MAML2: variants seen among roughly 807,000 people sequenced by gnomAD.
MAML2 encodes the protein mastermind-like protein 2.
MAML2 carries 22 observed loss-of-function variants against 96.1 expected under a neutral mutation model. The ratio of observed to expected loss-of-function variants is 0.23; its 90% confidence interval spans 0.16 to 0.33. MAML2 has a LOEUF of 0.33. Ranked by LOEUF, MAML2 falls within the 10% of genes least tolerant of loss-of-function variation. The pLI is 1.00. For missense variants in MAML2, 1,367 were observed against 1,392.4 expected (o/e 0.98, Z 0.29); for synonymous variants, 561 against 521.3 (o/e 1.08, Z -1.04).
rs1857707913 is a variant in MAML2, at chr11:95,979,802, G to A, written c.2617C>T (p.Leu873=). Residue 873 remains leucine (L), a synonymous_variant, in exon 5 of 5, where the codon CTG becomes TTG. Transcript: ENST00000524717. ...TATGTGTTAGGTTGATTACAAGGCA[G>A]ATTTCCATACATCCCCATATTCTGA... is the stretch of plus-strand genomic sequence containing the variant. ...AVQNMGMYGN[L]PCNQPNTYSV... The A allele has an allele frequency of 1.2e-6, 2 of 1,613,842 alleles. No individual in the cohort carries two copies. The highest frequency in any genetic ancestry group is 1.3e-5 in the African/African-American group (1 of 74,906).
At chr11:96,261,494 G>A (rs1400809175) in intron 1 of MAML2, among the ~76,000 whole-genome samples, 12 of 152,240 alleles carry the variant, frequency 7.9e-5, no homozygotes, top group African/African-American at 1.7e-4. Flanking sequence ...AGCTATAACC[G>A]TAGAATTGCT....
At chr11:96,219,914 A>G (rs1862108924) in intron 1 of MAML2, among the ~76,000 whole-genome samples, 1 of 152,146 alleles carries the variant, frequency 6.6e-6, no homozygotes, top group African/African-American at 2.4e-5. Context: ...GTGAGCCAAC[A>G]TACTCAGCCA....
intron 1 of MAML2, among the ~76,000 whole-genome samples, chr11:96,184,741 C>G (rs1027860661): frequency 6.6e-6 from 1 of 151,692 alleles, no homozygotes; most frequent in African/African-American, 2.4e-5. Context: ...AGGCGCCCAC[C>G]GCCACACCTG....
At chr11:96,076,576 C>G (rs1351825558) in intron 2 of MAML2, among the ~76,000 whole-genome samples, 1 of 152,072 alleles carries the variant, frequency 6.6e-6, no homozygotes, top group Non-Finnish European at 1.5e-5. Flanking sequence ...GGCAGGGAAT[C>G]CCATTCCCAT....
intron 1 of MAML2, among the ~76,000 whole-genome samples, chr11:96,171,315 A>G (rs1204684278): frequency 1.3e-5 from 2 of 152,086 alleles, no homozygotes; most frequent in Non-Finnish European, 2.9e-5. Flanking sequence ...CCTCCCCAAG[A>G]CCGGGCGCGT....
intron 1 of MAML2, among the ~76,000 whole-genome samples, chr11:96,214,498 G>A (rs890331070): frequency 7.2e-5 from 11 of 152,132 alleles, no homozygotes; most frequent in African/African-American, 2.7e-4. Flanking sequence ...TTCCTTTATT[G>A]CCTCCTATTC....
intron 1 of MAML2, among the ~76,000 whole-genome samples, chr11:96,313,361 C>T (rs1197544466): frequency 6.6e-6 from 1 of 152,200 alleles, no homozygotes; most frequent in Non-Finnish European, 1.5e-5. Context: ...GCAATGTAAG[C>T]AGCTCTCCGG....
chr11:96,171,414 T>A (rs1328061529), intron 1 of MAML2, among the ~76,000 whole-genome samples: 1 of 152,170 alleles, frequency 6.6e-6, no homozygotes, highest in Non-Finnish European at 1.5e-5. Context: ...TATATTTAAT[T>A]ATTGGTTCAT....
chr11:96,247,812 A>G (rs1344684034), intron 1 of MAML2, among the ~76,000 whole-genome samples: 2 of 152,120 alleles, frequency 1.3e-5, no homozygotes, highest in Non-Finnish European at 2.9e-5. Flanking sequence ...CAGTTGCTGG[A>G]TGAACTTGAT....
chr11:96,143,011 TAAATGGGAAA>T (rs1360956702), intron 1 of MAML2, among the ~76,000 whole-genome samples: 1 of 152,210 alleles, frequency 6.6e-6, no homozygotes, highest in Non-Finnish European at 1.5e-5. Flanking sequence ...TGATGCCAGC[TAAATGGGAAA>T]AAATAGCAAT....
Position 95,979,401 on chromosome 11 carries a change from GCT to G in MAML2, c.3016_3017del (p.Ser1006ProfsTer12). 1 of 1,613,558 alleles carries G rather than the reference GCT, an allele frequency of 6.2e-7. No homozygotes were observed. The highest frequency in any genetic ancestry group is 8.5e-7 in the Non-Finnish European group (1 of 1,179,732). On this transcript the variant is annotated frameshift_variant, in exon 5 of 5. Coordinates refer to ENST00000524717, the MANE Select transcript of MAML2 (RefSeq NM_032427.4). LOFTEE classifies it high-confidence loss of function. ...CCACTGCCCTCTGGGAAAATTGCTG[GCT>G]ACCTACTGCCTGTTGCAGTGACTGA... is the stretch of plus-strand genomic sequence containing the variant. The part of the protein sequence containing the change: ...PNQSLQQAVG[S>X]QQFSQRAVAP...
chr11:96,179,830 T>C (rs1861454406), intron 1 of MAML2, among the ~76,000 whole-genome samples: 1 of 152,174 alleles, frequency 6.6e-6, no homozygotes, highest in Non-Finnish European at 1.5e-5. Flanking sequence ...CACTGCCAAC[T>C]TGTCAGTTTC....
rs115261781 is a variant in MAML2, at chr11:96,294,727, C to T, written c.513+46656G>A. On this transcript the variant is annotated intron_variant, in intron 1 of 4. Coordinates refer to ENST00000524717, the MANE Select transcript of MAML2 (RefSeq NM_032427.4). ...TTTATTGAACACTTATGCTAGGGAC[C>T]ATGCTTAATCCTCTACACTGTCCCA... 5.0e-3 allele frequency among the ~76,000 whole-genome samples: 761 copies of T among 152,214 alleles called. 7 individuals carry two copies. Among genetic ancestry groups the T allele is most frequent in the African/African-American group, 0.017 (707 of 41,530 alleles).
chr11:96,196,854 A>G (rs921889526), intron 1 of MAML2, among the ~76,000 whole-genome samples: 3 of 142,820 alleles, frequency 2.1e-5, no homozygotes, highest in Non-Finnish European at 3.0e-5. Flanking sequence ...CTATAGTCCA[A>G]TGGTTCTCCC....
chr11:96,179,411 T>G (rs562266819), intron 1 of MAML2, among the ~76,000 whole-genome samples: 1 of 152,294 alleles, frequency 6.6e-6, no homozygotes, highest in African/African-American at 2.4e-5. Flanking sequence ...AGTCCTTCCT[T>G]ATTTCTTTAA....
At chr11:96,095,835 A>G (rs1397108163) in intron 1 of MAML2, among the ~76,000 whole-genome samples, 1 of 152,204 alleles carries the variant, frequency 6.6e-6, no homozygotes, top group Non-Finnish European at 1.5e-5. Flanking sequence ...ATTTGCAGCA[A>G]GGGGCTAGGC....
In MAML2 at chr11:96,265,033, C is replaced by A. The variant is rs1419986542; in HGVS notation, c.513+76350G>T. Among the ~76,000 whole-genome samples the A allele has an allele frequency of 2.0e-5, 3 of 152,164 alleles. No individual in the cohort carries two copies. In the South Asian group the frequency reaches 6.2e-4, roughly 32 times the overall value. On this transcript the variant is annotated intron_variant, in intron 1 of 4. Coordinates refer to ENST00000524717, the MANE Select transcript of MAML2 (RefSeq NM_032427.4). ...GCTGTTAACATTAACCTAAAGAAAT[C>A]AAGGCATTTCAAATTGTTACATAAC...
chr11:95,986,207 G>T (rs1357865536), intron 3 of MAML2, among the ~76,000 whole-genome samples: 1 of 151,956 alleles, frequency 6.6e-6, no homozygotes, highest in African/African-American at 2.4e-5. Context: ...GTTTTTGTTT[G>T]TTTGTTTGTT....
At chr11:96,214,330 G>A (rs1054578629) in intron 1 of MAML2, among the ~76,000 whole-genome samples, 2 of 152,184 alleles carry the variant, frequency 1.3e-5, no homozygotes, top group Non-Finnish European at 2.9e-5. Flanking sequence ...ATCTTAGCAC[G>A]TCCTCTTAGA....
Sources: allele counts gnomAD v4.1 joint callset (sites outside exome capture counted in the v4.1 genomes callset), GRCh38; gene constraint gnomAD v4.1.1; transcripts MANE v1.5; gene names NCBI Gene and HGNC (gene_info 2026-07-23, HGNC 2026-07-21).